TAAR5: variants seen among roughly 807,000 people sequenced by gnomAD.
TAAR5 encodes the protein trace amine-associated receptor 5.
A neutral mutation model predicts 21.1 loss-of-function variants in TAAR5; 27 were observed. The observed-to-expected ratio is 1.28, with a 90% confidence interval of 0.94 to 1.76. The LOEUF (loss-of-function observed/expected upper bound fraction) is 1.76. Among genes scored for constraint, TAAR5 ranks in the 40% most tolerant of loss-of-function variants. The pLI, the probability that TAAR5 is intolerant of heterozygous loss-of-function variation, is 0.00. For missense variants in TAAR5, 495 were observed against 405.6 expected, an observed-to-expected ratio of 1.22 and a Z score of -1.89; for synonymous variants, 203 against 167.5, an observed-to-expected ratio of 1.21 and a Z score of -1.64.
the TAAR5 span, among the ~76,000 whole-genome samples, chr6:132,602,033 T>C: frequency 2.0e-5 from 3 of 152,110 alleles, no homozygotes; most frequent in East Asian, 1.9e-4. Flanking sequence ...ATTTTTTAAA[T>C]TATGATTTTT....
the TAAR5 span, among the ~76,000 whole-genome samples, chr6:132,601,111 G>GGAGGGAAGGAGGGAAAGAA: frequency 3.0e-4 from 9 of 29,938 alleles, no homozygotes; most frequent in African/African-American, 8.3e-4. Flanking sequence ...GAGGGAAGAA[G>GGAGGGAAGGAGGGAAAGAA]GGAAGGAGGG....
At chr6:132,605,013 G>A in the TAAR5 span, among the ~76,000 whole-genome samples, 1 of 152,158 alleles carries the variant, frequency 6.6e-6, no homozygotes, top group Non-Finnish European at 1.5e-5. Context: ...AGGGCAATGT[G>A]GAAGAAAGGT....
upstream of TAAR5, among the ~76,000 whole-genome samples, chr6:132,591,862 A>G (rs1035208576): frequency 2.0e-5 from 3 of 152,226 alleles, no homozygotes; most frequent in Non-Finnish European, 2.9e-5. Context: ...CAGTTTTCTC[A>G]TCTATTAATT....
the TAAR5 span, among the ~76,000 whole-genome samples, chr6:132,600,973 GA>G: frequency 7.3e-6 from 1 of 137,004 alleles, no homozygotes; most frequent in African/African-American, 2.7e-5. Flanking sequence ...AGGAGGGAAG[GA>G]GGGAAAGAAG....
At position 132,589,607 on chromosome 6, in the gene TAAR5, G is replaced by A. The variant is rs369553631; in HGVS notation, c.80C>T (p.Thr27Ile). 111 of 1,613,926 alleles carry A rather than the reference G, an allele frequency of 6.9e-5. 2 individuals carry two copies. The South Asian group carries it at 8.6e-4, about 12-fold the overall frequency. Reference sequence around the variant, plus strand: ...CAACTGGATGCCCAGAGTATGTACTGTCCTGGGGCAAGACCCATTCACCTG... The same window carrying A: ...CAACTGGATGCCCAGAGTATGTACTATCCTGGGGCAAGACCCATTCACCTG... ...CYQVNGSCPR[T>I]VHTLGIQLVI... The change falls in exon 1 of 1, where the codon ACA becomes ATA. Residue 27 changes from threonine (T) to isoleucine (I), a missense_variant. Transcript: ENST00000258034.
chr6:132,603,280 G>A, the TAAR5 span, among the ~76,000 whole-genome samples: 9 of 142,080 alleles, frequency 6.3e-5, no homozygotes, highest in Non-Finnish European at 9.0e-5. Flanking sequence ...TCTAGCCTGT[G>A]TGACAGAGTA....
the TAAR5 span, among the ~76,000 whole-genome samples, chr6:132,600,319 A>G: frequency 1.3e-5 from 2 of 152,180 alleles, no homozygotes; most frequent in Non-Finnish European, 2.9e-5. Flanking sequence ...GAGGGAGAAG[A>G]TCTGTTAATG....
the TAAR5 span, among the ~76,000 whole-genome samples, chr6:132,600,137 T>C: frequency 1.3e-5 from 2 of 152,208 alleles, no homozygotes; most frequent in African/African-American, 2.4e-5. Context: ...CTCAGACTCC[T>C]GAGGGAAGGA....
the TAAR5 span, among the ~76,000 whole-genome samples, chr6:132,600,926 AGG>A: frequency 8.0e-5 from 9 of 113,014 alleles, no homozygotes; most frequent in African/African-American, 2.4e-4. Context: ...GGAAGGAAGG[AGG>A]GAAGGAGGGA....
chr6:132,594,834 A>G, the TAAR5 span: 4 of 151,852 alleles, frequency 2.6e-5, no homozygotes, highest in Admixed American at 2.6e-4. Flanking sequence ...GGAGGCCAGT[A>G]CCCCCCCAGA....
At chr6:132,601,773 A>T in the TAAR5 span, among the ~76,000 whole-genome samples, 1 of 152,208 alleles carries the variant, frequency 6.6e-6, no homozygotes, top group Non-Finnish European at 1.5e-5. Context: ...TATGTAAAAC[A>T]ACCAAGATTA....
the TAAR5 span, among the ~76,000 whole-genome samples, chr6:132,597,812 T>C: frequency 6.6e-6 from 1 of 152,206 alleles, no homozygotes; most frequent in African/African-American, 2.4e-5. Flanking sequence ...TGCATAGCTT[T>C]TTCGTTCAAA....
chr6:132,611,148 A>T, the TAAR5 span, among the ~76,000 whole-genome samples: 1 of 151,990 alleles, frequency 6.6e-6, no homozygotes, highest in Non-Finnish European at 1.5e-5. Context: ...ACAATATGTT[A>T]GTTGTAATAG....
chr6:132,603,119 A>G, the TAAR5 span, among the ~76,000 whole-genome samples: 3 of 151,966 alleles, frequency 2.0e-5, no homozygotes, highest in Non-Finnish European at 4.4e-5. Flanking sequence ...CCTGAGTAAG[A>G]TGGTGAGACT....
the TAAR5 span, among the ~76,000 whole-genome samples, chr6:132,601,922 C>A: frequency 6.6e-6 from 1 of 151,998 alleles, no homozygotes; most frequent in Non-Finnish European, 1.5e-5. Context: ...GTCTGAAAGA[C>A]CAGAGAACAG....
the TAAR5 span, among the ~76,000 whole-genome samples, chr6:132,610,586 A>C: frequency 6.6e-6 from 1 of 152,162 alleles, no homozygotes; most frequent in South Asian, 2.1e-4. Flanking sequence ...GACGGGGAAG[A>C]AAAGTCACCT....
In TAAR5 at chr6:132,589,133, T is replaced by C; in HGVS notation, c.554A>G (p.Glu185Gly). The change falls in exon 1 of 1, where the codon GAG (glutamate) becomes GGG (glycine). Residue 185 changes from glutamate (E) to glycine (G), a missense_variant. By Grantham distance (98) the Glu-to-Gly change is moderately conservative (BLOSUM62 -2). Transcript: ENST00000258034. ...CTGGCAACTGCCCACACAAGGCATC[T>C]CTTCCAGCCACTGGCTGAGCCTTGT... ...VETRLSQWLE[E>G]MPCVGSCQLL... The C allele has an allele frequency of 1.2e-6, 2 of 1,612,466 alleles. No homozygotes were observed. The highest frequency in any genetic ancestry group is 1.7e-6 in the Non-Finnish European group (2 of 1,179,168).
At chr6:132,608,360 G>A in the TAAR5 span, 1 of 455,828 alleles carries the variant, frequency 2.2e-6, no homozygotes, top group African/African-American at 2.0e-5. Context: ...CCATGAATAA[G>A]AGGGTTGCAA....
chr6:132,592,003 C>A (rs770112662), upstream of TAAR5, among the ~76,000 whole-genome samples: 16 of 152,146 alleles, frequency 1.1e-4, no homozygotes, highest in Admixed American at 2.0e-4. Flanking sequence ...GTGCAGATAA[C>A]TGTTAACCTT....
Sources: allele counts gnomAD v4.1 joint callset (sites outside exome capture counted in the v4.1 genomes callset), GRCh38; gene constraint gnomAD v4.1.1; transcripts MANE v1.5; gene names NCBI Gene and HGNC (gene_info 2026-07-23, HGNC 2026-07-21).